PACRG: variants seen among roughly 807,000 people sequenced by gnomAD.
PACRG encodes the protein parkin coregulated gene protein.
A neutral mutation model predicts 29.7 loss-of-function variants in PACRG; 29 were observed. The observed-to-expected ratio is 0.98, with a 90% CI of 0.73 to 1.33. PACRG has a LOEUF of 1.33. Ranked by LOEUF, PACRG falls within the 40% of genes most tolerant of loss-of-function variation. The pLI, the probability that PACRG is intolerant of heterozygous loss-of-function variation, is 0.00. For missense variants in PACRG, 279 were observed against 316.2 expected (o/e 0.88, Z 0.89); for synonymous variants, 116 against 118.7 (o/e 0.98, Z 0.15).
Position 163,248,941 on chromosome 6 carries a change from G to T in PACRG, c.614-65886G>T, listed in dbSNP as rs144516461. On this transcript the variant is annotated intron_variant, in intron 4 of 4. Transcript: ENST00000366888. ...TGAGGCAGGAGAATGGCGTGAACCC[G>T]GGAGGCAGAACTTGGAGTGAGCCGA... Among the ~76,000 whole-genome samples the T allele has an allele frequency of 7.4e-3, 1,108 of 150,266 alleles. 14 individuals are homozygous for T. The highest frequency in any genetic ancestry group is 0.026 in the African/African-American group (1,074 of 40,776).
intron 2 of PACRG, among the ~76,000 whole-genome samples, chr6:163,022,060 G>A (rs868806071): frequency 1.1e-4 from 16 of 152,130 alleles, no homozygotes; most frequent in African/African-American, 3.6e-4. Context: ...AGTGGTCTTC[G>A]GCCACACACA....
intron 1 of PACRG, among the ~76,000 whole-genome samples, chr6:162,732,240 T>C (rs1779826499): frequency 6.6e-6 from 1 of 152,148 alleles, no homozygotes; most frequent in African/African-American, 2.4e-5. Flanking sequence ...TGAAGGAAGC[T>C]ATGTAGTTCC....
chr6:163,293,990 A>G (rs972098887), intron 4 of PACRG, among the ~76,000 whole-genome samples: 1 of 152,106 alleles, frequency 6.6e-6, no homozygotes, highest in African/African-American at 2.4e-5. Context: ...CCAAGATACA[A>G]CCTAGCCTGA....
intron 2 of PACRG, among the ~76,000 whole-genome samples, chr6:162,947,506 T>TAA (rs1330279939): frequency 8.2e-6 from 1 of 122,468 alleles, no homozygotes; most frequent in Non-Finnish European, 1.6e-5. Flanking sequence ...CATATATATA[T>TAA]AATCTATATA....
intron 1 of PACRG, among the ~76,000 whole-genome samples, chr6:162,789,770 A>T (rs2128324599): frequency 6.6e-6 from 1 of 152,288 alleles, no homozygotes; most frequent in Non-Finnish European, 1.5e-5. Context: ...GATTTACATG[A>T]TTGCCCTCTA....
chr6:163,048,765 T>C (rs1198715800), intron 2 of PACRG, among the ~76,000 whole-genome samples: 1 of 152,188 alleles, frequency 6.6e-6, no homozygotes, highest in African/African-American at 2.4e-5. Context: ...GTTCTTAAAT[T>C]TCCAAATATA....
At chr6:163,186,210 CA>C (rs1209228223) in intron 4 of PACRG, among the ~76,000 whole-genome samples, 9 of 152,180 alleles carry the variant, frequency 5.9e-5, no homozygotes, top group African/African-American at 2.2e-4. Flanking sequence ...CCCCTTCCCC[CA>C]AGAATGGAGC....
intron 4 of PACRG, among the ~76,000 whole-genome samples, chr6:163,158,990 G>T (rs1778438711): frequency 6.6e-6 from 1 of 152,134 alleles, no homozygotes; most frequent in African/African-American, 2.4e-5. Flanking sequence ...TTGCTTGGAG[G>T]TAGAACATGC....
At chr6:162,891,645 C>CTGT (rs1794766075) in intron 2 of PACRG, among the ~76,000 whole-genome samples, 1 of 152,140 alleles carries the variant, frequency 6.6e-6, no homozygotes, top group Non-Finnish European at 1.5e-5. Context: ...AACTCTTAGG[C>CTGT]TGTTGCCAAT....
chr6:163,020,317 C>T (rs1806493368), intron 2 of PACRG, among the ~76,000 whole-genome samples: 2 of 152,120 alleles, frequency 1.3e-5, no homozygotes, highest in African/African-American at 4.8e-5. Context: ...GGAAAAAATC[C>T]TATGACATAT....
chr6:162,732,372 C>G (rs1251505123), intron 1 of PACRG, among the ~76,000 whole-genome samples: 1 of 152,164 alleles, frequency 6.6e-6, no homozygotes, highest in East Asian at 1.9e-4. Context: ...GGGCATGTCC[C>G]AGAAACAGCA....
intron 2 of PACRG, among the ~76,000 whole-genome samples, chr6:162,915,953 T>C (rs1397982657): frequency 6.6e-6 from 1 of 152,156 alleles, no homozygotes; most frequent in Non-Finnish European, 1.5e-5. Flanking sequence ...AAAGCACAGT[T>C]TTTACATTAC....
rs185124129 is a variant in PACRG, at chr6:162,854,760, G to C, written c.291+40479G>C. Among the ~76,000 whole-genome samples the C allele has an allele frequency of 3.1e-3, 472 of 152,296 alleles. 3 individuals are homozygous for C. The highest frequency in any genetic ancestry group is 0.011 in the African/African-American group (456 of 41,564). On this transcript the variant is annotated intron_variant, in intron 2 of 4. Coordinates refer to ENST00000366888, the MANE Select transcript of PACRG (RefSeq NM_001080379.2). ...ACCAGCTAGGCCTACTATGAATTGT[G>C]TTTGATTCTGACTTCACCTAAATGA...
At chr6:163,254,767 C>T (rs1353634627) in intron 4 of PACRG, among the ~76,000 whole-genome samples, 2 of 152,188 alleles carry the variant, frequency 1.3e-5, no homozygotes, top group African/African-American at 4.8e-5. Context: ...TCCCTTCTCT[C>T]GTCCACCCCA....
chr6:162,907,268 A>T (rs1795998309), intron 2 of PACRG, among the ~76,000 whole-genome samples: 1 of 152,222 alleles, frequency 6.6e-6, no homozygotes, highest in Non-Finnish European at 1.5e-5. Context: ...CTATAGTTTA[A>T]AAATGGCTTA....
intron 2 of PACRG, among the ~76,000 whole-genome samples, chr6:162,978,616 C>T (rs933371078): frequency 6.6e-6 from 1 of 152,058 alleles, no homozygotes. Flanking sequence ...TCATATAACT[C>T]TGTATTGTTA....
chr6:163,163,327 A>C (rs1468265934), intron 4 of PACRG, among the ~76,000 whole-genome samples: 1 of 152,154 alleles, frequency 6.6e-6, no homozygotes, highest in African/African-American at 2.4e-5. Flanking sequence ...GCTGGAGTGC[A>C]GTGGCATGAT....
chr6:163,109,551 A>G (rs1420391803), intron 4 of PACRG, among the ~76,000 whole-genome samples: 1 of 152,204 alleles, frequency 6.6e-6, no homozygotes, highest in Admixed American at 6.5e-5. Flanking sequence ...CTATCTTTAT[A>G]ATCTCTTAAC....
chr6:162,728,535 C>T (rs1779463777), intron 1 of PACRG, 144 bp downstream of exon 1: 2 of 951,954 alleles, frequency 2.1e-6, no homozygotes, highest in African/African-American at 1.6e-5. Context: ...AAGTAGCAAA[C>T]GGTGCCCCAC....
Sources: gnomAD v4.1 joint callset for allele counts (sites outside exome capture counted in the v4.1 genomes callset) on GRCh38, gnomAD v4.1.1 for gene constraint, MANE v1.5 for transcripts, NCBI Gene and HGNC (gene_info 2026-07-23, HGNC 2026-07-21) for gene names.